The following SKAP1 variants were observed in gnomAD, a reference collection of about 807,000 sequenced individuals.
The protein encoded by SKAP1 is src kinase-associated phosphoprotein 1.
A neutral mutation model predicts 58.5 loss-of-function variants in SKAP1; 44 were observed. That is an observed-to-expected ratio of 0.75 (90% CI 0.59 to 0.97). SKAP1 has a LOEUF of 0.97. Among genes scored for constraint, SKAP1 ranks in the 50% least tolerant of loss-of-function variants. The pLI is 0.00. For missense variants in SKAP1, 390 were observed against 435.2 expected (o/e 0.90, Z 0.92); for synonymous variants, 127 against 149.7 (o/e 0.85, Z 1.11).
At chr17:48,196,916 A>T (rs1426399553) in intron 4 of SKAP1, 1 of 152,304 alleles carries the variant, frequency 6.6e-6, no homozygotes, top group Non-Finnish European at 1.5e-5. Flanking sequence ...CAATAAAAGG[A>T]CACATGAGTT....
chr17:48,158,884 CCA>C (rs1404374554), intron 11 of SKAP1, among the ~76,000 whole-genome samples: 6 of 151,864 alleles, frequency 4.0e-5, no homozygotes, highest in Admixed American at 6.6e-5. Flanking sequence ...GGCGTGAACC[CCA>C]GGGGGCGGAG....
chr17:48,422,138 G>A (rs959318168), intron 1 of SKAP1, among the ~76,000 whole-genome samples: 1 of 152,158 alleles, frequency 6.6e-6, no homozygotes, highest in African/African-American at 2.4e-5. Context: ...TCGAACCCAG[G>A]AGGCAGAGGT....
intron 10 of SKAP1, among the ~76,000 whole-genome samples, chr17:48,168,138 GA>G (rs3840300): frequency 0.037 from 5,573 of 152,188 alleles, 117 homozygotes; most frequent in East Asian, 0.054. Flanking sequence ...AGGATGAACC[GA>G]ATCCCTTCCC....
chr17:48,211,036 G>A (rs919493288), intron 4 of SKAP1, among the ~76,000 whole-genome samples: 8 of 151,900 alleles, frequency 5.3e-5, no homozygotes, highest in Non-Finnish European at 8.8e-5. Flanking sequence ...CCAGGAATGG[G>A]AGGGCACTTC....
At chr17:48,338,701 C>T (rs1482663249) in intron 4 of SKAP1, among the ~76,000 whole-genome samples, 3 of 152,158 alleles carry the variant, frequency 2.0e-5, no homozygotes, top group South Asian at 2.1e-4. Context: ...ACCAACAGCC[C>T]AAAATGCTGG....
chr17:48,317,986 A>C (rs2066311241), intron 4 of SKAP1, among the ~76,000 whole-genome samples: 1 of 152,218 alleles, frequency 6.6e-6, no homozygotes, highest in African/African-American at 2.4e-5. Context: ...TAAAATGAAA[A>C]GATTTAGAAA....
intron 3 of SKAP1, among the ~76,000 whole-genome samples, chr17:48,361,523 T>C (rs979326050): frequency 1.3e-5 from 2 of 152,174 alleles, no homozygotes; most frequent in African/African-American, 4.8e-5. Flanking sequence ...CTGCTATTTT[T>C]AAAATGTGTG....
At chr17:48,204,134 A>C (rs1300012221) in intron 4 of SKAP1, 1 of 146,684 alleles carries the variant, frequency 6.8e-6, no homozygotes, top group African/African-American at 2.5e-5. Context: ...CCCAGGCTGG[A>C]GTGCAATGGT....
chr17:48,437,898 A>T, the SKAP1 span, among the ~76,000 whole-genome samples: 2 of 152,102 alleles, frequency 1.3e-5, no homozygotes, highest in Non-Finnish European at 2.9e-5. Context: ...GTGGCTTTTG[A>T]ATCCTTACCC....
intron 4 of SKAP1, among the ~76,000 whole-genome samples, chr17:48,302,527 C>T (rs184500476): frequency 2.6e-5 from 4 of 152,326 alleles, no homozygotes; most frequent in Admixed American, 2.6e-4. Flanking sequence ...TGAAGTGCCA[C>T]TCAACTTCTT....
At chr17:48,300,531 G>T (rs1447011865) in intron 4 of SKAP1, among the ~76,000 whole-genome samples, 1 of 152,180 alleles carries the variant, frequency 6.6e-6, no homozygotes, top group East Asian at 1.9e-4. Flanking sequence ...GAGATTGCAT[G>T]TGATTTTCCA....
chr17:48,188,007 CCA>C, intron 5 of SKAP1, 81 bp from the exon 6 acceptor site: 1 of 981,840 alleles, frequency 1.0e-6, no homozygotes, highest in Non-Finnish European at 1.6e-6. Flanking sequence ...AACATACAGT[CCA>C]GTGTGTTATT....
chr17:48,415,846 T>C (rs2067726086), intron 1 of SKAP1, among the ~76,000 whole-genome samples: 1 of 151,952 alleles, frequency 6.6e-6, no homozygotes. Flanking sequence ...ATCAGAGAGC[T>C]TGGAGTTGGA....
intron 4 of SKAP1, among the ~76,000 whole-genome samples, chr17:48,311,728 T>C (rs1475652257): frequency 1.3e-5 from 2 of 152,198 alleles, no homozygotes; most frequent in Admixed American, 6.5e-5. Flanking sequence ...GGATCTTCAC[T>C]CACGGGCCTG....
At chr17:48,145,157 A>G (rs1044518976) in intron 11 of SKAP1, among the ~76,000 whole-genome samples, 1 of 152,126 alleles carries the variant, frequency 6.6e-6, no homozygotes, top group Admixed American at 6.5e-5. Flanking sequence ...CTCCTCATAA[A>G]TATTTCTAGG....
intron 1 of SKAP1, among the ~76,000 whole-genome samples, chr17:48,399,608 T>A (rs970148443): frequency 2.6e-5 from 4 of 151,846 alleles, no homozygotes; most frequent in Admixed American, 2.6e-4. Context: ...AAAAGATAAT[T>A]TTTAAAAAAT....
intron 4 of SKAP1, among the ~76,000 whole-genome samples, chr17:48,335,637 G>T (rs2066557656): frequency 6.6e-6 from 1 of 152,018 alleles, no homozygotes; most frequent in Non-Finnish European, 1.5e-5. Context: ...AAATTAATAT[G>T]TTGTAGGAGA....
intron 4 of SKAP1, among the ~76,000 whole-genome samples, chr17:48,191,259 A>G (rs2064541477): frequency 6.6e-6 from 1 of 152,250 alleles, no homozygotes; most frequent in Admixed American, 6.5e-5. Flanking sequence ...GAAGAATGAA[A>G]AAAAAAGCCT....
chr17:48,264,247 T>C (rs1307385413), intron 4 of SKAP1, among the ~76,000 whole-genome samples: 1 of 151,940 alleles, frequency 6.6e-6, no homozygotes, highest in African/African-American at 2.4e-5. Flanking sequence ...CATATATATG[T>C]TTATACATAT....
Sources: allele counts gnomAD v4.1 joint callset (sites outside exome capture counted in the v4.1 genomes callset), GRCh38; gene constraint gnomAD v4.1.1; transcripts MANE v1.5; gene names NCBI Gene and HGNC (gene_info 2026-07-23, HGNC 2026-07-21).